DIABLO: variants seen among roughly 807,000 people sequenced by gnomAD.
DIABLO encodes diablo homolog, mitochondrial.
DIABLO carries 32 observed loss-of-function variants against 31.7 expected under a neutral mutation model. That is an observed-to-expected ratio of 1.01 (90% CI 0.76 to 1.35). The LOEUF is 1.35. Ranked by LOEUF, DIABLO falls within the 40% of genes most tolerant of loss-of-function variation. DIABLO has a pLI of 0.00. For missense variants in DIABLO, 316 were observed against 286.4 expected, an observed-to-expected ratio of 1.10 and a Z score of -0.75; for synonymous variants, 132 against 103.2, an observed-to-expected ratio of 1.28 and a Z score of -1.69.
chr12:122,226,721 G>C (rs1218621731), upstream of DIABLO: 3 of 578,284 alleles, frequency 5.2e-6, no homozygotes, highest in Non-Finnish European at 9.2e-6. Context: ...CTGGACGCTC[G>C]CTTCTCGGTT....
chr12:122,212,962 C>T (rs1188823622), intron 5 of DIABLO, among the ~76,000 whole-genome samples: 1 of 151,922 alleles, frequency 6.6e-6, no homozygotes, highest in Non-Finnish European at 1.5e-5. Context: ...GCTTTGTCAA[C>T]CAGGCTGGGG....
chr12:122,212,884 TA>T lies in DIABLO; in HGVS notation c.523+3603del, dbSNP rs577375375. On this transcript the variant is annotated intron_variant, in intron 5 of 5. Transcript: ENST00000464942. The stretch of plus-strand genomic sequence containing the variant: ...ACATGATCCGCCCACCTCAGCCTCC[TA>T]AAGTGCTGGGATTACAGGCGTGAGC... Among the ~76,000 whole-genome samples, 185 of 152,056 alleles carry T rather than the reference TA, an allele frequency of 1.2e-3. 1 individual carries two copies. The highest frequency in any genetic ancestry group is 4.3e-3 in the African/African-American group (179 of 41,474).
upstream of DIABLO, among the ~76,000 whole-genome samples, chr12:122,226,981 G>A (rs552966831): frequency 1.3e-5 from 2 of 152,356 alleles, no homozygotes; most frequent in South Asian, 2.1e-4. Context: ...GGGAAGGGGA[G>A]AGAGACCCAT....
chr12:122,223,312 G>C lies in DIABLO; in HGVS notation c.183+1200C>G, dbSNP rs183775676. Among the ~76,000 whole-genome samples the C allele has an allele frequency of 1.8e-4, 28 of 151,770 alleles. No individual in the cohort carries two copies. The East Asian group carries it at 4.5e-3, about 24-fold the overall frequency. On this transcript the variant is annotated intron_variant, in intron 2 of 5. Transcript: ENST00000464942. ...TAGCTGGGTGCGGTGGCACACCCCT[G>C]TAATCCCAGCTACCCGGAGGCTAAG...
intron 1 of DIABLO, chr12:122,225,703 C>G: frequency 7.1e-7 from 1 of 1,408,212 alleles, no homozygotes; most frequent in Non-Finnish European, 9.2e-7. Context: ...GGTCAGGAGG[C>G]GGAGCAGCCC....
rs1953955782 is a variant in DIABLO at position 122,207,698 on chromosome 12, G to GCAAA, written c.*679_*682dup. 1 of 575,648 alleles carries GCAAA rather than the reference G, an allele frequency of 1.7e-6. No homozygotes were observed. Among genetic ancestry groups the GCAAA allele is most frequent in the Non-Finnish European group, 3.3e-6 (1 of 305,858 alleles). 35.7% of individuals were successfully genotyped at this position (575,648 alleles called of 1,614,324 possible). ...GAGAGACGCATTTTCTCTTTCAGAT[G>GCAAA]CAAACAAAATCTTACACTCTTCTCC... On this transcript the variant is annotated 3_prime_UTR_variant, in exon 6 of 6. Transcript: ENST00000464942.
intron 5 of DIABLO, 187 bp from the exon 6 acceptor site, chr12:122,208,764 C>T (rs772654191): frequency 3.3e-5 from 23 of 704,900 alleles, no homozygotes; most frequent in African/African-American, 5.2e-5. Context: ...TTAACTGACA[C>T]TCTGTCAAAA....
In DIABLO at chr12:122,208,270, G is replaced by A. The variant is rs993145176; in HGVS notation, c.*111C>T. The A allele has an allele frequency of 7.6e-7, 1 of 1,317,594 alleles. No homozygotes were observed. Among genetic ancestry groups the A allele is most frequent in the African/African-American group, 1.5e-5 (1 of 68,740 alleles). The allele number at this position is 1,317,594 out of a possible 1,614,324, so 81.6% of individuals were successfully genotyped here. A position where few individuals can be genotyped will look rare whatever the true frequency, so the allele number is the denominator to read the frequency against. On this transcript the variant is annotated 3_prime_UTR_variant, in exon 6 of 6. Transcript: ENST00000464942. ...GCGTCTCGCCTGATTGGCCAGGGCA[G>A]GATCTGCCGCCTCTTCTCGGTGCAC...
chr12:122,209,898 A>G (rs1386611083), intron 5 of DIABLO: 1 of 671,232 alleles, frequency 1.5e-6, no homozygotes, highest in Non-Finnish European at 2.7e-6. Flanking sequence ...CTTAACCTTT[A>G]TTACATTAAG....
intron 3 of DIABLO, chr12:122,217,139 G>A (rs1954232524): frequency 4.9e-6 from 2 of 404,850 alleles, no homozygotes; most frequent in Non-Finnish European, 9.2e-6. Flanking sequence ...AAGGTTGAGG[G>A]GAAAAAAGCT....
At chr12:122,211,943 T>TTTAATAAGTTTATTTTTACTGCAATC (rs1439749320) in intron 5 of DIABLO, among the ~76,000 whole-genome samples, 1 of 152,162 alleles carries the variant, frequency 6.6e-6, no homozygotes, top group Non-Finnish European at 1.5e-5. Flanking sequence ...AAACGTGTCA[T>TTTAATAAGTTTATTTTTACTGCAATC]TTAATAAGTT....
chr12:122,224,487 T>TA, intron 2 of DIABLO, 25 bp downstream of exon 2: 1 of 1,613,574 alleles, frequency 6.2e-7, no homozygotes, highest in South Asian at 1.1e-5. Flanking sequence ...GTACACTAGA[T>TA]AAGAATCACT....
intron 2 of DIABLO, among the ~76,000 whole-genome samples, chr12:122,222,770 G>C (rs1182678087): frequency 1.3e-5 from 2 of 152,106 alleles, no homozygotes; most frequent in Non-Finnish European, 2.9e-5. Flanking sequence ...CCTCGCACGT[G>C]TAGTTCACAA....
At position 122,216,546 on chromosome 12, in the gene DIABLO, G is replaced by A; in HGVS notation, c.465C>T (p.Thr155=). 1 of 1,614,108 alleles carries A rather than the reference G, an allele frequency of 6.2e-7. No individual in the cohort carries two copies. The highest frequency in any genetic ancestry group is 8.5e-7 in the Non-Finnish European group (1 of 1,180,020). Residue 155 remains threonine, a synonymous_variant, in exon 5 of 6, where the codon ACC becomes ACT. Coordinates refer to ENST00000464942, the MANE Select transcript of DIABLO (RefSeq NM_001371333.1). ...AAAGACCAACTGCAGTCATCCAAGT[G>A]GTTTCCAGCTTCAAGTACTCTTGGT... ...SKHQEYLKLE[T]TWMTAVGLSE... is the part of the protein sequence containing the mutation.
At chr12:122,213,524 T>A (rs1034607948) in intron 5 of DIABLO, among the ~76,000 whole-genome samples, 4 of 112,644 alleles carry the variant, frequency 3.6e-5, no homozygotes, top group Admixed American at 8.0e-5. Context: ...AAAAAAAAAA[T>A]TCCGTTTACA....
chr12:122,211,217 T>C (rs769116830), intron 5 of DIABLO, among the ~76,000 whole-genome samples: 9 of 146,030 alleles, frequency 6.2e-5, no homozygotes, highest in Non-Finnish European at 8.9e-5. Flanking sequence ...CTGGGCAACA[T>C]GGTGAAACCC....
chr12:122,217,267 C>A (rs1215110167), intron 3 of DIABLO: 2 of 260,496 alleles, frequency 7.7e-6, no homozygotes, highest in Non-Finnish European at 1.5e-5. Flanking sequence ...AATCCTAGCA[C>A]TTTGGGAGGC....
intron 2 of DIABLO, among the ~76,000 whole-genome samples, chr12:122,223,468 T>C (rs1335403274): frequency 6.6e-6 from 1 of 151,998 alleles, no homozygotes; most frequent in Non-Finnish European, 1.5e-5. Context: ...CTGCGGCTTC[T>C]TTTTCAGAAA....
chr12:122,208,351 G>A lies in DIABLO; in HGVS notation c.*30C>T. ...CATCTGCCCCTGCTTTCCCCACTGA[G>A]TGGGGAGACAGGGCAGTGTGCTCAG... On this transcript the variant is annotated 3_prime_UTR_variant, in exon 6 of 6. Coordinates refer to ENST00000464942, the MANE Select transcript of DIABLO (RefSeq NM_001371333.1). 4.3e-6 allele frequency: 7 copies of A among 1,609,936 alleles called. No individual in the cohort carries two copies. Among genetic ancestry groups the A allele is most frequent in the Non-Finnish European group, 5.9e-6 (7 of 1,179,654 alleles).
Sources: gnomAD v4.1 joint callset for allele counts (sites outside exome capture counted in the v4.1 genomes callset) on GRCh38, gnomAD v4.1.1 for gene constraint, MANE v1.5 for transcripts, NCBI Gene and HGNC (gene_info 2026-07-23, HGNC 2026-07-21) for gene names.